Variants in LYAR observed in about 807,000 individuals in gnomAD.
LYAR encodes Ly1 antibody reactive.
In LYAR, 37 loss-of-function variants were observed where a neutral mutation model predicts 45.2. The ratio of observed to expected loss-of-function variants is 0.82; its 90% CI spans 0.63 to 1.08. The LOEUF is 1.08. LYAR is among the 50% of genes least tolerant of loss of function. The probability of loss-of-function intolerance (pLI) is 0.00; values close to 1 mark genes in which losing one functional copy is unlikely to be tolerated. For missense variants in LYAR, 493 were observed against 451.0 expected (o/e 1.09, Z -0.84); for synonymous variants, 176 against 155.1 (o/e 1.14, Z -1.00).
rs376872817 is a variant in LYAR, at chr4:4,274,649, C to A, written c.550G>T (p.Val184Leu). Reference sequence around the variant, plus strand: ...TTTCTTTCTCTTTTATTCTTCTTCACCTCCCCTTGCTGTTCCACGGCGTCT... The same window carrying A: ...TTTCTTTCTCTTTTATTCTTCTTCAACTCCCCTTGCTGTTCCACGGCGTCT... ...VKDAVEQQGE[V>L]KKNKRERKEE... Residue 184 changes from valine (V) to leucine (L), a missense_variant, in exon 7 of 10, where the codon GTG (valine) becomes TTG (leucine). Coordinates refer to ENST00000343470, the MANE Select transcript of LYAR (RefSeq NM_017816.3). The A allele has an allele frequency of 7.4e-6, 12 of 1,614,128 alleles. No homozygotes were observed. The highest frequency in any genetic ancestry group is 1.0e-5 in the Non-Finnish European group (12 of 1,180,038).
In LYAR at chr4:4,274,453, C is replaced by T; in HGVS notation, c.746G>A (p.Ser249Asn). 1.9e-6 allele frequency: 3 copies of T among 1,614,098 alleles called. No homozygotes were observed. Among genetic ancestry groups the T allele is most frequent in the Admixed American group, 1.7e-5 (1 of 60,020 alleles). Residue 249 changes from serine to asparagine, a missense_variant, in exon 7 of 10, where the codon AGC becomes AAC. Physicochemically the swap from Ser to Asn is conservative, Grantham distance 46. Transcript: ENST00000343470. ...GTCCTTGCGCTGCTTCTTCTTCTTG[C>T]TCCTCTTCCCTGCAGAGCCATTGGC... ...PEANGSAGKR[S>N]KKKKQRKDSA...
At chr4:4,268,739 C>T (rs768158908) in intron 8 of LYAR, 124 bp from the exon 9 acceptor site, 2 of 623,472 alleles carry the variant, frequency 3.2e-6, no homozygotes, top group East Asian at 2.8e-5. Context: ...ATGAACCAGA[C>T]TCCATAGCAC....
chr4:4,274,020 A>T (rs1031831096), intron 7 of LYAR, among the ~76,000 whole-genome samples: 10 of 152,100 alleles, frequency 6.6e-5, no homozygotes, highest in Non-Finnish European at 7.4e-5. Flanking sequence ...GCGGATCACC[A>T]GAGGTCAGGA....
At chr4:4,289,156 G>C (rs1392423443) in intron 1 of LYAR, among the ~76,000 whole-genome samples, 5 of 152,188 alleles carry the variant, frequency 3.3e-5, no homozygotes, top group Admixed American at 6.5e-5. Flanking sequence ...TCTCTCCCTT[G>C]TTCCTTGCAA....
intron 1 of LYAR, among the ~76,000 whole-genome samples, chr4:4,289,203 C>A (rs1216399460): frequency 6.6e-6 from 1 of 152,210 alleles, no homozygotes; most frequent in Non-Finnish European, 1.5e-5. Flanking sequence ...CTCCACTAAA[C>A]AGATGAGCAA....
In LYAR at chr4:4,271,744, T is replaced by C. The variant is rs545833046; in HGVS notation, c.919+1839A>G. On this transcript the variant is annotated intron_variant, in intron 8 of 9. Transcript: ENST00000343470. ...CTACTGTATGACACAGCATTGAACA[T>C]TCGCTTCAGAAAAACTGACTTAGTT... is the stretch of plus-strand genomic sequence containing the variant. 3.9e-5 allele frequency among the ~76,000 whole-genome samples: 6 copies of C among 152,308 alleles called. No homozygotes were observed. In the East Asian group the frequency reaches 9.6e-4, roughly 24 times the overall value.
At position 4,283,164 on chromosome 4, in the gene LYAR, C is replaced by G. The variant is rs114994516; in HGVS notation, c.122+457G>C. Among the ~76,000 whole-genome samples the G allele has an allele frequency of 2.8e-4, 43 of 152,276 alleles. 1 individual carries two copies. Among genetic ancestry groups the G allele is most frequent in the South Asian group, 2.1e-3 (10 of 4,832 alleles). ...GTTTCGTAAAGCACATTTCTCCCCC[C>G]CAAGAAGGGGTTAACTTGCTCTGTT... On this transcript the variant is annotated intron_variant, in intron 3 of 9. Coordinates refer to ENST00000343470, the MANE Select transcript of LYAR (RefSeq NM_017816.3).
intron 3 of LYAR, 105 bp from the exon 4 acceptor site, chr4:4,282,002 CAT>C (rs1345891045): frequency 3.0e-5 from 21 of 706,850 alleles, no homozygotes; most frequent in South Asian, 8.5e-5. Context: ...TATATTTTCA[CAT>C]GTGTCTATCA....
chr4:4,270,183 ACAG>A (rs1718877522), intron 8 of LYAR, among the ~76,000 whole-genome samples: 1 of 151,986 alleles, frequency 6.6e-6, no homozygotes, highest in Non-Finnish European at 1.5e-5. Flanking sequence ...ACCCTGGGCA[ACAG>A]TGAGACCCTG....
intron 2 of LYAR, 75 bp from the exon 3 acceptor site, chr4:4,283,870 T>C: frequency 1.6e-6 from 1 of 633,224 alleles, no homozygotes; most frequent in Non-Finnish European, 2.6e-6. Context: ...CCCTAACTTT[T>C]CAACCATAAT....
intron 6 of LYAR, among the ~76,000 whole-genome samples, chr4:4,276,585 G>A (rs185456081): frequency 1.5e-4 from 22 of 151,116 alleles, no homozygotes; most frequent in East Asian, 1.4e-3. Flanking sequence ...GGCCGGGTGC[G>A]GTGGCTCATG....
chr4:4,274,261 CA>C (rs1719081057), intron 7 of LYAR, 105 bp downstream of exon 7: 65 of 1,244,914 alleles, frequency 5.2e-5, no homozygotes, highest in Middle Eastern at 3.9e-4. Context: ...AAAAAAAAAC[CA>C]CACACACACG....
At chr4:4,268,683 C>A (rs1292764504) in intron 8 of LYAR, 68 bp from the exon 9 acceptor site, 6 of 982,486 alleles carry the variant, frequency 6.1e-6, no homozygotes, top group Non-Finnish European at 9.4e-6. Flanking sequence ...AAAGAAACAA[C>A]TTCTGCAACA....
chr4:4,277,484 C>T (rs1318719496), intron 6 of LYAR, among the ~76,000 whole-genome samples: 3 of 152,200 alleles, frequency 2.0e-5, no homozygotes, highest in Non-Finnish European at 4.4e-5. Context: ...GGGAGGCACA[C>T]ATTTACCCAT....
rs1450922816 is a variant in LYAR at position 4,281,854 on chromosome 4, G to C, written c.166C>G (p.Gln56Glu). The change falls in exon 4 of 10, where the codon CAG (glutamine) becomes GAG (glutamate). Residue 56 changes from glutamine to glutamate, a missense_variant. Coordinates refer to ENST00000343470, the MANE Select transcript of LYAR (RefSeq NM_017816.3). ...KNHVKCISEDQKYGGKGYEGK... is the reference protein window; with the variant it reads ...KNHVKCISEDEKYGGKGYEGK... The stretch of plus-strand genomic sequence containing the variant: ...TCATAGCCTTTGCCACCATACTTCT[G>C]ATCTTCACTTATGCATTTCACGTGG... 4.3e-6 allele frequency: 7 copies of C among 1,614,112 alleles called. No homozygotes were observed. Among genetic ancestry groups the C allele is most frequent in the Non-Finnish European group, 5.9e-6 (7 of 1,180,006 alleles).
chr4:4,288,739 GC>G (rs1156607858), intron 1 of LYAR, among the ~76,000 whole-genome samples: 5 of 152,080 alleles, frequency 3.3e-5, no homozygotes, highest in African/African-American at 1.2e-4. Flanking sequence ...ACCCTCCTCG[GC>G]CTCCCAAAGT....
intron 2 of LYAR, among the ~76,000 whole-genome samples, chr4:4,284,919 T>C (rs1577219520): frequency 6.6e-6 from 1 of 152,348 alleles, no homozygotes; most frequent in African/African-American, 2.4e-5. Context: ...TGATCTACCC[T>C]TGGTTTGCAG....
At chr4:4,286,758 T>C (rs1719632098) in intron 1 of LYAR, among the ~76,000 whole-genome samples, 186 bp from the exon 2 acceptor site, 2 of 151,318 alleles carry the variant, frequency 1.3e-5, no homozygotes. Context: ...GCCATTCTCT[T>C]GCCTCAGCCT....
At chr4:4,269,720 C>T (rs1718859343) in intron 8 of LYAR, among the ~76,000 whole-genome samples, 1 of 152,184 alleles carries the variant, frequency 6.6e-6, no homozygotes, top group Admixed American at 6.5e-5. Context: ...CAGGATCTCA[C>T]ACCTTACAAA....
Sources: gnomAD v4.1 joint callset for allele counts (sites outside exome capture counted in the v4.1 genomes callset) on GRCh38, gnomAD v4.1.1 for gene constraint, MANE v1.5 for transcripts, NCBI Gene and HGNC (gene_info 2026-07-23, HGNC 2026-07-21) for gene names.